Variants in MPRIP observed in about 807,000 individuals in gnomAD.
MPRIP encodes the protein myosin phosphatase Rho interacting protein.
A neutral mutation model predicts 234.9 loss-of-function variants in MPRIP; 59 were observed. That is an observed-to-expected ratio of 0.25 (90% CI 0.20 to 0.31). The LOEUF (loss-of-function observed/expected upper bound fraction) is 0.31. Among genes scored for constraint, MPRIP ranks in the 10% least tolerant of loss-of-function variants. The pLI is 1.00. For synonymous variants in MPRIP, 1,144 were observed against 1,263.9 expected, an observed-to-expected ratio of 0.91 and a Z score of 2.01; for missense variants, 2,436 against 3,071.0, an observed-to-expected ratio of 0.79 and a Z score of 4.89.
rs369432976 is a variant in MPRIP at position 17,171,722 on chromosome 17, C to T, written c.6329C>T (p.Thr2110Met). The part of the protein sequence containing the change: ...YQRDLESLKA[T>M]CERGFAAMEE... The stretch of plus-strand genomic sequence containing the variant: ...AGTCCCTTTTGCATTTTGCAGGCCA[C>T]GTGCGAGCGAGGGTTTGCAGCAATG... The change falls in exon 17 of 24, where the codon ACG (threonine) becomes ATG (methionine). Residue 2110 changes from threonine (T) to methionine (M), a missense_variant. Around this residue, in one of 4 missense-constraint regions of MPRIP, gnomAD observed 1,998 missense variants for 2,520.3 expected, o/e 0.79. Coordinates refer to ENST00000651222, the MANE Select transcript of MPRIP (RefSeq NM_001364716.4). 8 of 1,612,116 alleles carry T rather than the reference C, an allele frequency of 5.0e-6. No individual in the cohort carries two copies. Among genetic ancestry groups the T allele is most frequent in the South Asian group, 1.1e-5 (1 of 90,944 alleles).
At chr17:17,074,285 A>G (rs1022069269) in intron 1 of MPRIP, among the ~76,000 whole-genome samples, 7 of 152,206 alleles carry the variant, frequency 4.6e-5, no homozygotes, top group East Asian at 1.9e-4. Context: ...ACCTTTTCCA[A>G]TGCATTCTCG....
At chr17:17,104,967 A>T (rs2090035138) in intron 3 of MPRIP, among the ~76,000 whole-genome samples, 1 of 152,030 alleles carries the variant, frequency 6.6e-6, no homozygotes. Flanking sequence ...TGGAGTTGAG[A>T]GGGGCCTTGT....
chr17:17,101,196 G>A (rs1326786629), intron 3 of MPRIP, among the ~76,000 whole-genome samples: 1 of 152,154 alleles, frequency 6.6e-6, no homozygotes, highest in African/African-American at 2.4e-5. Flanking sequence ...GTATCTTCCT[G>A]GTCTCAGGCC....
At chr17:17,116,288 A>T (rs1386843277) in intron 3 of MPRIP, among the ~76,000 whole-genome samples, 2 of 152,154 alleles carry the variant, frequency 1.3e-5, no homozygotes, top group African/African-American at 4.8e-5. Flanking sequence ...CAGGACAATG[A>T]TCCAGGAGGG....
In MPRIP at chr17:17,174,072, C is replaced by T; in HGVS notation, c.6747C>T (p.Asn2249=). The T allele has an allele frequency of 1.2e-6, 2 of 1,612,936 alleles. No homozygotes were observed. The highest frequency in any genetic ancestry group is 1.7e-6 in the Non-Finnish European group (2 of 1,179,694). Residue 2249 remains asparagine (N), a synonymous_variant, in exon 19 of 24, where the codon AAC becomes AAT. Coordinates refer to ENST00000651222, the MANE Select transcript of MPRIP (RefSeq NM_001364716.4). ...AGAACCAGGAGCTCAATGCCCACAA[C>T]CAGGTGAGCCTGCAGCCAGGTGAGC... The part of the protein sequence containing the change: ...QRENQELNAH[N]QELNNRLAAE...
intron 2 of MPRIP, chr17:17,076,931 C>G (rs1005094861): frequency 8.7e-6 from 1 of 115,094 alleles, no homozygotes; most frequent in South Asian, 3.0e-4. Flanking sequence ...TTGTTGGGCT[C>G]TTTGCTTTTT....
At chr17:17,077,752 TAAAAAAAA>T (rs10560581) in intron 2 of MPRIP, 2 of 306,066 alleles carry the variant, frequency 6.5e-6, no homozygotes, top group African/African-American at 2.3e-5. Context: ...TTCCAAGTGT[TAAAAAAAA>T]AAAAAAAAAA....
At chr17:17,082,639 A>G (rs1486958096) in intron 3 of MPRIP, among the ~76,000 whole-genome samples, 1 of 152,170 alleles carries the variant, frequency 6.6e-6, no homozygotes, top group Non-Finnish European at 1.5e-5. Flanking sequence ...GAAATTCACC[A>G]TCTTAATCGT....
At chr17:17,071,091 C>T (rs1382927643) in intron 1 of MPRIP, among the ~76,000 whole-genome samples, 2 of 152,180 alleles carry the variant, frequency 1.3e-5, no homozygotes, top group Admixed American at 1.3e-4. Context: ...AAGAAGGGTC[C>T]TCGTTGCTGT....
intron 3 of MPRIP, among the ~76,000 whole-genome samples, chr17:17,090,207 C>G (rs2089682587): frequency 6.6e-6 from 1 of 152,182 alleles, no homozygotes; most frequent in Non-Finnish European, 1.5e-5. Context: ...AGGAGAGAGA[C>G]TCCCTGGAGC....
chr17:17,141,527 C>G (rs1316351046), intron 7 of MPRIP: 2 of 152,400 alleles, frequency 1.3e-5, no homozygotes, highest in Non-Finnish European at 2.9e-5. Context: ...GGAAGCAGAG[C>G]CCGGGGCCCT....
Position 17,186,753 on chromosome 17 carries a change from A to G in MPRIP, c.*1859A>G, listed in dbSNP as rs1370306048. 6.6e-6 allele frequency: 1 copy of G among 152,120 alleles called. No individual in the cohort carries two copies. The highest frequency in any genetic ancestry group is 1.5e-5 in the Non-Finnish European group (1 of 68,056). 9.4% of individuals were successfully genotyped at this position (152,120 alleles called of 1,614,324 possible). On this transcript the variant is annotated 3_prime_UTR_variant, in exon 24 of 24. Transcript: ENST00000651222. Reference sequence around the variant, plus strand: ...TATACTTATCAGACCCCCCCTGACCATTTAGATTGGCAGTGCTTTGAGAAA... The same window carrying G: ...TATACTTATCAGACCCCCCCTGACCGTTTAGATTGGCAGTGCTTTGAGAAA...
chr17:17,058,037 G>T (rs2088759230), intron 1 of MPRIP: 2 of 289,500 alleles, frequency 6.9e-6, no homozygotes, highest in African/African-American at 4.4e-5. Flanking sequence ...TTTCACAGAG[G>T]TGACCTGAGA....
At chr17:17,152,917 G>T (rs1325731401) in intron 12 of MPRIP, among the ~76,000 whole-genome samples, 2 of 152,220 alleles carry the variant, frequency 1.3e-5, no homozygotes, top group African/African-American at 2.4e-5. Context: ...CTTCACAGAA[G>T]CAGGGGGATC....
Position 17,117,451 on chromosome 17 carries a change from G to C in MPRIP, c.268-9251G>C, listed in dbSNP as rs140673832. On this transcript the variant is annotated intron_variant, in intron 3 of 23. Coordinates refer to ENST00000651222, the MANE Select transcript of MPRIP (RefSeq NM_001364716.4). ...TTTCTGAACATTTCACCAAGATGGA[G>C]TCACACAGTGTGTGTCCTTTTGTGA... Among the ~76,000 whole-genome samples, 1,327 of 152,334 alleles carry C rather than the reference G, an allele frequency of 8.7e-3. 18 individuals are homozygous for C. Among genetic ancestry groups the C allele is most frequent in the African/African-American group, 0.03 (1,253 of 41,578 alleles).
At position 17,075,882 on chromosome 17, in the gene MPRIP, A is replaced by G. The variant is rs1348211418; in HGVS notation, c.201+95A>G. 11 of 1,232,886 alleles carry G rather than the reference A, an allele frequency of 8.9e-6. No homozygotes were observed. In the African/African-American group the frequency reaches 1.0e-4, roughly 12 times the overall value. The allele number at this position is 1,232,886 out of a possible 1,614,324, so 76.4% of individuals were successfully genotyped here. On this transcript the variant is annotated intron_variant, in intron 2 of 23. Coordinates refer to ENST00000651222, the MANE Select transcript of MPRIP (RefSeq NM_001364716.4). ...GTGGAAGAGGGAGATGGAGAGTTGAACAGTGGATCCTGGGATAGCAGGACC... is the reference window on the plus strand; with the variant it reads ...GTGGAAGAGGGAGATGGAGAGTTGAGCAGTGGATCCTGGGATAGCAGGACC...
intron 3 of MPRIP, among the ~76,000 whole-genome samples, chr17:17,101,955 G>T (rs753479785): frequency 8.5e-5 from 13 of 152,204 alleles, no homozygotes; most frequent in Non-Finnish European, 1.6e-4. Flanking sequence ...AATGTCACCC[G>T]CAGGGAGCTG....
rs566406780 is a variant in MPRIP, at chr17:17,130,599, G to A, written c.420-1018G>A. 2.0e-5 allele frequency among the ~76,000 whole-genome samples: 3 copies of A among 152,148 alleles called. No homozygotes were observed. In the South Asian group the frequency reaches 6.2e-4, roughly 32 times the overall value. ...CAGACCCCCCCATCCCCAACCCTGG[G>A]CCCAGGCTGCCAGCAGGCCCAGCGT... is the stretch of plus-strand genomic sequence containing the variant. On this transcript the variant is annotated intron_variant, in intron 4 of 23. Coordinates refer to ENST00000651222, the MANE Select transcript of MPRIP (RefSeq NM_001364716.4).
At chr17:17,045,051 C>T (rs540019820) in intron 1 of MPRIP, among the ~76,000 whole-genome samples, 1 of 152,320 alleles carries the variant, frequency 6.6e-6, no homozygotes, top group East Asian at 1.9e-4. Context: ...TCACTCTCAT[C>T]CTTATGGCTC....
Sources: gnomAD v4.1 joint callset for allele counts (sites outside exome capture counted in the v4.1 genomes callset) on GRCh38, gnomAD v4.1.1 for gene constraint, gnomAD v4.1.1 regional missense constraint, MANE v1.5 for transcripts, NCBI Gene and HGNC (gene_info 2026-07-23, HGNC 2026-07-21) for gene names.